The following IGFBP7 variants were observed in gnomAD, a reference collection of about 807,000 sequenced individuals.
The protein encoded by IGFBP7 is insulin-like growth factor-binding protein 7.
IGFBP7 carries 31 observed loss-of-function variants against 29.4 expected under a neutral mutation model. That is an observed-to-expected ratio of 1.05 (90% CI 0.79 to 1.42). IGFBP7 has a LOEUF of 1.42. Among genes scored for constraint, IGFBP7 ranks in the 40% most tolerant of loss-of-function variants. IGFBP7 has a pLI of 0.00. For synonymous variants in IGFBP7, 172 were observed against 174.9 expected (o/e 0.98, Z 0.13); for missense variants, 393 against 395.5 (o/e 0.99, Z 0.05).
At chr4:57,052,020 G>T (rs1713974) in intron 1 of IGFBP7, among the ~76,000 whole-genome samples, 137,092 of 152,058 alleles carry the variant, frequency 0.9, 61,903 homozygotes, top group South Asian at 0.95. Context: ...ACAGCAGAAA[G>T]CAGATGAGGT....
At chr4:57,096,931 C>T (rs1725776106) in intron 1 of IGFBP7, among the ~76,000 whole-genome samples, 1 of 152,146 alleles carries the variant, frequency 6.6e-6, no homozygotes, top group Non-Finnish European at 1.5e-5. Context: ...ACAGCAATAA[C>T]TTTATTATTT....
intron 1 of IGFBP7, among the ~76,000 whole-genome samples, chr4:57,070,837 C>T (rs916037489): frequency 6.6e-6 from 1 of 152,288 alleles, no homozygotes; most frequent in Middle Eastern, 3.4e-3. Flanking sequence ...TGATTAAAAT[C>T]GATTAATTCT....
Position 57,031,033 on chromosome 4 carries a change from T to A in IGFBP7, c.*284A>T. On this transcript the variant is annotated 3_prime_UTR_variant, in exon 5 of 5. Transcript: ENST00000295666. ...AAGATAATTAAATATCTTGGTGTCT[T>A]GTTTCTATTGTGTGGCTTTTTAAAA... is the stretch of plus-strand genomic sequence containing the variant. 1 of 1,156,794 alleles carries A rather than the reference T, an allele frequency of 8.6e-7. No homozygotes were observed. Among genetic ancestry groups the A allele is most frequent in the Non-Finnish European group, 1.3e-6 (1 of 763,936 alleles). 71.7% of individuals were successfully genotyped at this position (1,156,794 alleles called of 1,614,324 possible).
chr4:57,090,731 C>T (rs1024346413), intron 1 of IGFBP7, among the ~76,000 whole-genome samples: 7 of 152,056 alleles, frequency 4.6e-5, no homozygotes, highest in African/African-American at 1.5e-4. Flanking sequence ...GCCTGTAATC[C>T]TAGCTACTTG....
intron 1 of IGFBP7, among the ~76,000 whole-genome samples, chr4:57,081,597 G>A (rs997689235): frequency 3.3e-5 from 5 of 151,840 alleles, no homozygotes; most frequent in African/African-American, 1.2e-4. Flanking sequence ...CATTTGGTGC[G>A]GGAAACATCA....
intron 2 of IGFBP7, among the ~76,000 whole-genome samples, chr4:57,034,049 CAA>C (rs35304758): frequency 1.8e-4 from 17 of 96,504 alleles, no homozygotes; most frequent in Admixed American, 4.0e-4. Flanking sequence ...GACTCCATCT[CAA>C]AAAAAAAAAA....
In IGFBP7 at chr4:57,065,200, G is replaced by C. The variant is rs183164255; in HGVS notation, c.476-24267C>G. Among the ~76,000 whole-genome samples the C allele has an allele frequency of 9.0e-4, 137 of 152,304 alleles. 1 individual carries two copies. Among genetic ancestry groups the C allele is most frequent in the Non-Finnish European group, 1.6e-3 (107 of 68,026 alleles). ...GAGGCGGTCAAGGTCCCAGGTGCCG[G>C]CTCGCCCACAAGCTATGGCTAAGAC... On this transcript the variant is annotated intron_variant, in intron 1 of 4. Transcript: ENST00000295666.
In IGFBP7 at chr4:57,073,213, C is replaced by T. The variant is rs956726836; in HGVS notation, c.476-32280G>A. On this transcript the variant is annotated intron_variant, in intron 1 of 4. Coordinates refer to ENST00000295666, the MANE Select transcript of IGFBP7 (RefSeq NM_001553.3). Reference sequence around the variant, plus strand: ...TGTCCTTTCTGTGATTTTTGTATAGCACTCTGTATCTTGAGCTGTGGTATT... The same window carrying T: ...TGTCCTTTCTGTGATTTTTGTATAGTACTCTGTATCTTGAGCTGTGGTATT... The T allele has an allele frequency of 2.9e-5, 26 of 906,912 alleles. No individual in the cohort carries two copies. The Admixed American group carries it at 6.0e-4, about 21-fold the overall frequency. The allele number at this position is 906,912 out of a possible 1,614,324, so 56.2% of individuals were successfully genotyped here.
In IGFBP7 at chr4:57,072,841, A is replaced by G. The variant is rs1725088636; in HGVS notation, c.476-31908T>C. 3 of 600,744 alleles carry G rather than the reference A, an allele frequency of 5.0e-6. No homozygotes were observed. The African/African-American group carries it at 5.5e-5, about 11-fold the overall frequency. The allele number at this position is 600,744 out of a possible 1,614,324, so 37.2% of individuals were successfully genotyped here. ...AAGACCTGAGGTATAAGCTCTCCCT[A>G]GAGCTCCCCAGGGGCTACCCTTACA... is the stretch of plus-strand genomic sequence containing the variant. On this transcript the variant is annotated intron_variant, in intron 1 of 4. Transcript: ENST00000295666.
chr4:57,039,065 C>CAAAAAAAAAAAAAAAAA (rs71208974), intron 2 of IGFBP7, among the ~76,000 whole-genome samples: 3 of 106,458 alleles, frequency 2.8e-5, no homozygotes, highest in Admixed American at 1.1e-4. Context: ...AACTATGTCT[C>CAAAAAAAAAAAAAAAAA]AAAAAAAAAA....
At chr4:57,075,303 C>T (rs76808102) in intron 1 of IGFBP7, among the ~76,000 whole-genome samples, 1,553 of 152,248 alleles carry the variant, frequency 0.01, 24 homozygotes, top group African/African-American at 0.036. Context: ...TCAAAGGACT[C>T]AGGAGATCCC....
intron 2 of IGFBP7, among the ~76,000 whole-genome samples, chr4:57,034,063 A>AC (rs1724020578): frequency 6.6e-6 from 1 of 151,566 alleles, no homozygotes; most frequent in East Asian, 1.9e-4. Context: ...AAAAAAAAAA[A>AC]AAAAACAGCT....
At chr4:57,048,880 G>A (rs1724431148) in intron 1 of IGFBP7, among the ~76,000 whole-genome samples, 1 of 152,208 alleles carries the variant, frequency 6.6e-6, no homozygotes, top group Non-Finnish European at 1.5e-5. Context: ...CCTTGGACAA[G>A]CCACTTAACC....
intron 1 of IGFBP7, among the ~76,000 whole-genome samples, chr4:57,048,043 C>A (rs1315741547): frequency 6.7e-5 from 10 of 148,290 alleles, no homozygotes; most frequent in African/African-American, 2.3e-4. Flanking sequence ...TTCTCCTTTG[C>A]CCCCCTCCGC....
intron 1 of IGFBP7, among the ~76,000 whole-genome samples, chr4:57,091,627 C>T (rs1218517112): frequency 6.6e-6 from 1 of 152,216 alleles, no homozygotes; most frequent in African/African-American, 2.4e-5. Flanking sequence ...GTTACTGTTC[C>T]TATCTCCCAG....
At chr4:57,061,061 AAC>A (rs66574323) in intron 1 of IGFBP7, among the ~76,000 whole-genome samples, 44,198 of 148,516 alleles carry the variant, frequency 0.3, 6,716 homozygotes, top group Middle Eastern at 0.38. Flanking sequence ...GTCTCTGAAA[AAC>A]AAAAAAAATT....
At chr4:57,062,692 G>T (rs891628303) in intron 1 of IGFBP7, among the ~76,000 whole-genome samples, 3 of 152,132 alleles carry the variant, frequency 2.0e-5, no homozygotes, top group Non-Finnish European at 2.9e-5. Flanking sequence ...AATATGCTTT[G>T]TGTTTCGTCT....
intron 1 of IGFBP7, among the ~76,000 whole-genome samples, chr4:57,064,770 A>T (rs1724879151): frequency 6.6e-6 from 1 of 152,194 alleles, no homozygotes; most frequent in Non-Finnish European, 1.5e-5. Flanking sequence ...GGGGTTAAAT[A>T]TTTGCCTCAG....
chr4:57,071,559 T>C (rs1393607371), intron 1 of IGFBP7, among the ~76,000 whole-genome samples: 2 of 152,228 alleles, frequency 1.3e-5, no homozygotes, highest in African/African-American at 4.8e-5. Flanking sequence ...CTCTTTCTTT[T>C]TCCCTGGGTG....
Sources: allele counts gnomAD v4.1 joint callset (sites outside exome capture counted in the v4.1 genomes callset), GRCh38; gene constraint gnomAD v4.1.1; transcripts MANE v1.5; gene names NCBI Gene and HGNC (gene_info 2026-07-23, HGNC 2026-07-21).